Variants in EFEMP2 observed in about 807,000 individuals in gnomAD.
The protein encoded by EFEMP2 is EGF-containing fibulin-like extracellular matrix protein 2.
A neutral mutation model predicts 55.3 loss-of-function variants in EFEMP2; 21 were observed. The observed-to-expected ratio is 0.38, with a 90% confidence interval of 0.27 to 0.55. The LOEUF (loss-of-function observed/expected upper bound fraction) is 0.55. Among genes scored for constraint, EFEMP2 ranks in the 20% least tolerant of loss-of-function variants. The probability of loss-of-function intolerance (pLI) is 0.77; values close to 1 mark genes in which losing one functional copy is unlikely to be tolerated. For missense variants in EFEMP2, 513 were observed against 615.1 expected (o/e 0.83, Z 1.76); for synonymous variants, 275 against 242.3 (o/e 1.14, Z -1.25).
chr11:65,870,354 T>G, intron 5 of EFEMP2, 117 bp from the exon 6 acceptor site: 1 of 1,414,038 alleles, frequency 7.1e-7, no homozygotes, highest in Non-Finnish European at 1.0e-6. Flanking sequence ...GGAGCTGAAT[T>G]AGGCAGGGTC....
intron 3 of EFEMP2, 174 bp from the exon 4 acceptor site, chr11:65,871,537 C>G (rs1859965495): frequency 4.6e-6 from 3 of 658,110 alleles, no homozygotes; most frequent in Non-Finnish European, 7.9e-6. Flanking sequence ...TTGGCCAAGG[C>G]TGGAGATGGG....
At chr11:65,870,995 C>A in intron 4 of EFEMP2, 162 bp downstream of exon 4, 1 of 918,588 alleles carries the variant, frequency 1.1e-6, no homozygotes, top group Non-Finnish European at 1.7e-6. Context: ...CAGTGGCACA[C>A]AAGCTGGGGC....
In EFEMP2 at chr11:65,870,560, G is replaced by T. The variant is rs573771187; in HGVS notation, c.466C>A (p.Arg156Ser). 5 of 1,614,054 alleles carry T rather than the reference G, an allele frequency of 3.1e-6. No individual in the cohort carries two copies. The South Asian group carries it at 5.5e-5, about 18-fold the overall frequency. ...CCCACACACTCGGGCCCGATCTTGC[G>T]GTAACCATCAGGGCAGGTGCACTGA... ...SYQCTCPDGY[R>S]KIGPECVDID... Residue 156 changes from arginine (R) to serine (S), a missense_variant, in exon 5 of 11, where the codon CGC becomes AGC. Coordinates refer to ENST00000307998, the MANE Select transcript of EFEMP2 (RefSeq NM_016938.5).
At position 65,866,730 on chromosome 11, in the gene EFEMP2, C is replaced by T; in HGVS notation, c.*188G>A. 1.3e-6 allele frequency: 1 copy of T among 763,736 alleles called. No homozygotes were observed. The highest frequency in any genetic ancestry group is 2.3e-6 in the Non-Finnish European group (1 of 439,818). The allele number at this position is 763,736 out of a possible 1,614,324, so 47.3% of individuals were successfully genotyped here. A position where few individuals can be genotyped will look rare whatever the true frequency, so the allele number is the denominator to read the frequency against. On this transcript the variant is annotated 3_prime_UTR_variant, in exon 11 of 11. Coordinates refer to ENST00000307998, the MANE Select transcript of EFEMP2 (RefSeq NM_016938.5). ...CCCTGGGCCTGAACATATAGAGACC[C>T]CCATTTAGGTGAACTTGGCCTGCCC... is the stretch of plus-strand genomic sequence containing the variant.
intron 1 of EFEMP2, 103 bp downstream of exon 1, chr11:65,872,580 G>A (rs1331223698): frequency 1.1e-5 from 4 of 369,122 alleles, no homozygotes; most frequent in African/African-American, 8.9e-5. Context: ...GCGCCCCTGC[G>A]GCGAAGGCCG....
chr11:65,867,987 C>T lies in EFEMP2; in HGVS notation c.1044G>A (p.Met348Ile). 1 of 1,614,046 alleles carries T rather than the reference C, an allele frequency of 6.2e-7. No individual in the cohort carries two copies. Among genetic ancestry groups the T allele is most frequent in the Non-Finnish European group, 8.5e-7 (1 of 1,180,024 alleles). ...GCACGCTCCGCTCCGAGGTGATGGT[C>T]ATGTAGCGGTGCACAATGGATGAAG... is the stretch of plus-strand genomic sequence containing the variant. ...EQPSSIVHRY[M>I]TITSERSVPA... is the part of the protein sequence containing the mutation. Residue 348 changes from methionine (M) to isoleucine (I), a missense_variant, in exon 10 of 11, where the codon ATG (methionine) becomes ATA (isoleucine). Transcript: ENST00000307998.
intron 10 of EFEMP2, chr11:65,867,296 C>G (rs893013131): frequency 1.7e-6 from 1 of 603,382 alleles, no homozygotes; most frequent in Non-Finnish European, 2.9e-6. Flanking sequence ...GCTCTTCTCA[C>G]CCTCTCCAGC....
intron 3 of EFEMP2, 38 bp downstream of exon 3, chr11:65,871,932 G>C (rs777150884): frequency 2.6e-6 from 4 of 1,551,006 alleles, no homozygotes; most frequent in South Asian, 1.2e-5. Context: ...ATCCCTTTCC[G>C]GGTTCCTGGG....
At chr11:65,871,937 C>T (rs1859971281) in intron 3 of EFEMP2, 33 bp downstream of exon 3, 1 of 1,551,376 alleles carries the variant, frequency 6.4e-7, no homozygotes, top group Non-Finnish European at 8.7e-7. Context: ...TTTCCGGGTT[C>T]CTGGGGGTGT....
At chr11:65,872,190 G>C (rs950711280) in intron 2 of EFEMP2, 54 bp downstream of exon 2, 12 of 1,519,424 alleles carry the variant, frequency 7.9e-6, no homozygotes, top group African/African-American at 1.4e-5. Flanking sequence ...CTGGGTCCCG[G>C]TCTCTTCCTC....
At position 65,866,984 on chromosome 11, in the gene EFEMP2, G is replaced by T. The variant is rs1208893386; in HGVS notation, c.1266C>A (p.Ser422=). ...CAGAGCTGGCCCGGTAGCTCATGAG[G>T]GAATTCATGGTGACCATCTCCAGGT... ...VLDLEMVTMN[S]LMSYRASSVL... is the part of the protein sequence containing the mutation. Residue 422 remains serine (S), a synonymous_variant, in exon 11 of 11, where the codon TCC becomes TCA. Transcript: ENST00000307998. 1.2e-6 allele frequency: 2 copies of T among 1,614,078 alleles called. No homozygotes were observed. Among genetic ancestry groups the T allele is most frequent in the Non-Finnish European group, 1.7e-6 (2 of 1,180,038 alleles).
rs778013753 is a variant in EFEMP2, at chr11:65,871,324, C to T, written c.200G>A (p.Gly67Glu). Residue 67 changes from glycine to glutamate, a missense_variant, in exon 4 of 11, where the codon GGG becomes GAG. By Grantham distance (98) the Gly-to-Glu change is moderately conservative. Transcript: ENST00000307998. ...ECLTIPEACKGEMKCINHYGG... is the reference protein window; with the variant it reads ...ECLTIPEACKEEMKCINHYGG... ...GTAGTGGTTGATGCACTTCATTTCC[C>T]CCTTGCAGGCCTCAGGGATGGTCAG... 1 of 1,614,176 alleles carries T rather than the reference C, an allele frequency of 6.2e-7. No individual in the cohort carries two copies. Among genetic ancestry groups the T allele is most frequent in the Non-Finnish European group, 8.5e-7 (1 of 1,180,014 alleles).
At chr11:65,869,003 C>A in intron 7 of EFEMP2, 1 of 320,424 alleles carries the variant, frequency 3.1e-6, no homozygotes. Flanking sequence ...TTCCTGCAAC[C>A]CACAGTCAAC....
chr11:65,871,917 T>G, intron 3 of EFEMP2, 53 bp downstream of exon 3: 1 of 1,548,746 alleles, frequency 6.5e-7, no homozygotes, highest in Middle Eastern at 1.7e-4. Context: ...GGAAAGCAGC[T>G]ATCAATCCCT....
Position 65,870,612 on chromosome 11 carries a change from C to T in EFEMP2, c.414G>A (p.Gln138=), listed in dbSNP as rs201304175. 1 of 1,614,134 alleles carries T rather than the reference C, an allele frequency of 6.2e-7. No individual in the cohort carries two copies. The highest frequency in any genetic ancestry group is 1.3e-5 in the African/African-American group (1 of 75,040). The stretch of plus-strand genomic sequence containing the variant: ...AGGAGCCAGGCAAGTTATGGCAGTC[C>T]TGGCTGGGGCGACAGTCGTGCAGGG... The part of the protein sequence containing the change: ...AQALHDCRPS[Q]DCHNLPGSYQ... The change falls in exon 5 of 11, where the codon CAG becomes CAA. Residue 138 remains glutamine (Q), a synonymous_variant. Transcript: ENST00000307998.
In EFEMP2 at chr11:65,871,313, A is replaced by C; in HGVS notation, c.211T>G (p.Cys71Gly). 6.2e-7 allele frequency: 1 copy of C among 1,614,118 alleles called. No individual in the cohort carries two copies. The highest frequency in any genetic ancestry group is 8.5e-7 in the Non-Finnish European group (1 of 1,179,998). ...IPEACKGEMK[C>G]INHYGGYLCL... ...AAGTAGCCCCCGTAGTGGTTGATGCACTTCATTTCCCCCTTGCAGGCCTCA... is the reference window on the plus strand; with the variant it reads ...AAGTAGCCCCCGTAGTGGTTGATGCCCTTCATTTCCCCCTTGCAGGCCTCA... The change falls in exon 4 of 11, where the codon TGC (cysteine) becomes GGC (glycine). Residue 71 changes from cysteine to glycine, a missense_variant. Physicochemically the swap from Cys to Gly is radical, Grantham distance 159 (BLOSUM62 -3). Transcript: ENST00000307998.
intron 10 of EFEMP2, chr11:65,867,336 A>G: frequency 5.4e-6 from 3 of 560,598 alleles, no homozygotes; most frequent in Non-Finnish European, 9.6e-6. Context: ...CTAACTGACG[A>G]TTCAAGGCCA....
chr11:65,868,362 A>G lies in EFEMP2; in HGVS notation c.907T>C (p.Phe303Leu). ...QCSEAQTCVN[F>L]HGGYRCVDTN... ...TCCACGCAGCGGTAGCCCCCATGGA[A>G]GTTGACACAGGTTTGGGCCTCGGAG... Residue 303 changes from phenylalanine (F) to leucine (L), a missense_variant, in exon 9 of 11, where the codon TTC becomes CTC. Physicochemically the swap from Phe to Leu is conservative, Grantham distance 22 (BLOSUM62 0). Coordinates refer to ENST00000307998, the MANE Select transcript of EFEMP2 (RefSeq NM_016938.5). The G allele has an allele frequency of 1.2e-6, 2 of 1,613,902 alleles. No individual in the cohort carries two copies. Among genetic ancestry groups the G allele is most frequent in the Non-Finnish European group, 1.7e-6 (2 of 1,180,012 alleles).
chr11:65,867,732 A>C lies in EFEMP2; in HGVS notation c.1170+129T>G, dbSNP rs1859880891. On this transcript the variant is annotated intron_variant, in intron 10 of 10. Transcript: ENST00000307998. ...TAGAGTACCCCCGTCTTCCTGCAGA[A>C]ACCCCGCCTCCGGGGGCGGGGCTTT... 4 of 1,017,766 alleles carry C rather than the reference A, an allele frequency of 3.9e-6. No individual in the cohort carries two copies. The Admixed American group carries it at 7.6e-5, about 19-fold the overall frequency. 63.0% of individuals were successfully genotyped at this position (1,017,766 alleles called of 1,614,324 possible). A position where few individuals can be genotyped will look rare whatever the true frequency, so the allele number is the denominator to read the frequency against.
Sources: gnomAD v4.1 joint callset for allele counts on GRCh38, gnomAD v4.1.1 for gene constraint, MANE v1.5 for transcripts, NCBI Gene and HGNC (gene_info 2026-07-23, HGNC 2026-07-21) for gene names.